The following ZNF827 variants were observed in gnomAD, a reference collection of about 807,000 sequenced individuals.
ZNF827 encodes the protein zinc finger protein 827.
Under a neutral mutation model 102.4 loss-of-function variants are expected in ZNF827, and 13 were observed. The ratio of observed to expected loss-of-function variants is 0.13; its 90% confidence interval spans 0.08 to 0.20. ZNF827 has a LOEUF of 0.20. ZNF827 is among the 10% of genes least tolerant of loss of function. The pLI is 1.00. For missense variants in ZNF827, 1,103 were observed against 1,344.4 expected (o/e 0.82, Z 2.81); for synonymous variants, 523 against 536.2 (o/e 0.98, Z 0.34).
At position 145,914,624 on chromosome 4, in the gene ZNF827, C is replaced by CA. The variant is rs779183833; in HGVS notation, c.44-11410dup. On this transcript the variant is annotated intron_variant, in intron 1 of 14. Coordinates refer to ENST00000508784, the MANE Select transcript of ZNF827 (RefSeq NM_001306215.2). ...ACACACAGAAGTCAACAATAGAGAG[C>CA]AAAAAAACAACAACAATTAACAAAA... is the stretch of plus-strand genomic sequence containing the variant. 2.3e-3 allele frequency among the ~76,000 whole-genome samples: 350 copies of CA among 152,092 alleles called. 6 individuals carry two copies. The highest frequency in any genetic ancestry group is 1.0e-3 in the Non-Finnish European group (69 of 67,958).
At chr4:145,894,397 CT>C (rs1750824168) in intron 2 of ZNF827, among the ~76,000 whole-genome samples, 1 of 152,082 alleles carries the variant, frequency 6.6e-6, no homozygotes, top group Admixed American at 6.6e-5. Context: ...TCCTTCTGTA[CT>C]ATTTGAATTT....
At chr4:145,934,053 GA>G (rs2127004269) in intron 1 of ZNF827, among the ~76,000 whole-genome samples, 1 of 152,196 alleles carries the variant, frequency 6.6e-6, no homozygotes, top group African/African-American at 2.4e-5. Flanking sequence ...TATAGTATTG[GA>G]CCTTGTTAAT....
intron 8 of ZNF827, among the ~76,000 whole-genome samples, chr4:145,794,991 C>G (rs1163604914): frequency 1.3e-5 from 2 of 152,196 alleles, no homozygotes; most frequent in Non-Finnish European, 2.9e-5. Context: ...CTAGCCAAGG[C>G]TGCTGAACCA....
intron 2 of ZNF827, 110 bp from the exon 3 acceptor site, chr4:145,892,525 T>G: frequency 8.3e-7 from 1 of 1,201,828 alleles, no homozygotes; most frequent in South Asian, 1.9e-5. Flanking sequence ...TGATTTGGGT[T>G]TTTTTCTTGA....
chr4:145,937,388 C>T (rs552303619), intron 1 of ZNF827, among the ~76,000 whole-genome samples: 2 of 152,132 alleles, frequency 1.3e-5, no homozygotes, highest in South Asian at 2.1e-4. Context: ...CGCCCGGCTC[C>T]GTCTGCTCCG....
rs1734579937 is a variant in ZNF827, at chr4:145,761,940, G to A, written c.*18-342C>T. 6.6e-6 allele frequency among the ~76,000 whole-genome samples: 1 copy of A among 151,438 alleles called. No homozygotes were observed. The highest frequency in any genetic ancestry group is 1.5e-5 in the Non-Finnish European group (1 of 67,876). On this transcript the variant is annotated intron_variant, in intron 14 of 14. Coordinates refer to ENST00000508784, the MANE Select transcript of ZNF827 (RefSeq NM_001306215.2). This position sits in a 1 kb window ranked among gnomAD's most constrained non-coding sequence, Gnocchi z 6.8. ...CCCTCCAGCCCCCGCCCGGCCCCTCGGAGCCCTCCCCACTCCCGACCAGAC... is the reference window on the plus strand; with the variant it reads ...CCCTCCAGCCCCCGCCCGGCCCCTCAGAGCCCTCCCCACTCCCGACCAGAC...
rs550160049 is a variant in ZNF827, at chr4:145,933,837, C to T, written c.43+4528G>A. Among the ~76,000 whole-genome samples, 229 of 152,100 alleles carry T rather than the reference C, an allele frequency of 1.5e-3. 1 individual carries two copies. Among genetic ancestry groups the T allele is most frequent in the South Asian group, 3.5e-3 (17 of 4,814 alleles). ...GAGAACACCCTTCCTCATCCTTTCC[C>T]TCTTCAGTTTGTGATTCCAAATGTA... On this transcript the variant is annotated intron_variant, in intron 1 of 14. Transcript: ENST00000508784.
At chr4:145,921,117 C>G (rs912932580) in intron 1 of ZNF827, among the ~76,000 whole-genome samples, 1 of 152,034 alleles carries the variant, frequency 6.6e-6, no homozygotes, top group African/African-American at 2.4e-5. Context: ...GTGTTGCAGG[C>G]TAAGTAGGAG....
intron 4 of ZNF827, among the ~76,000 whole-genome samples, chr4:145,874,357 T>A (rs1158843672): frequency 6.6e-6 from 1 of 152,164 alleles, no homozygotes; most frequent in Non-Finnish European, 1.5e-5. Context: ...TAATGACATA[T>A]CAGAAGAGCA....
intron 3 of ZNF827, among the ~76,000 whole-genome samples, chr4:145,887,503 A>G (rs1348656331): frequency 6.6e-6 from 1 of 152,254 alleles, no homozygotes; most frequent in East Asian, 1.9e-4. Flanking sequence ...AAAAAACAAC[A>G]GAAGAGATTC....
chr4:145,926,793 G>A (rs542454151), intron 1 of ZNF827, among the ~76,000 whole-genome samples: 7 of 152,048 alleles, frequency 4.6e-5, no homozygotes, highest in African/African-American at 1.7e-4. Flanking sequence ...GTACGCCCAA[G>A]TCATGTTTAA....
At chr4:145,793,438 G>A (rs749596694) in intron 8 of ZNF827, among the ~76,000 whole-genome samples, 36 of 147,366 alleles carry the variant, frequency 2.4e-4, no homozygotes, top group Non-Finnish European at 5.2e-4. Flanking sequence ...TCTGAGTCTC[G>A]AAACTGAAGA....
chr4:145,888,897 C>T lies in ZNF827; in HGVS notation c.1267-2739G>A, dbSNP rs540099474. On this transcript the variant is annotated intron_variant, in intron 3 of 14. Coordinates refer to ENST00000508784, the MANE Select transcript of ZNF827 (RefSeq NM_001306215.2). ...ACAGCGGGTGATAAAAACATTTGCA[C>T]GATATATTATGAAGGAAAGGTGGGC... is the stretch of plus-strand genomic sequence containing the variant. Among the ~76,000 whole-genome samples the T allele has an allele frequency of 1.2e-4, 19 of 152,122 alleles. No individual in the cohort carries two copies. In the South Asian group the frequency reaches 2.7e-3, roughly 22 times the overall value.
chr4:145,823,219 C>T (rs1274149812), intron 8 of ZNF827, among the ~76,000 whole-genome samples: 1 of 152,256 alleles, frequency 6.6e-6, no homozygotes, highest in East Asian at 1.9e-4. Context: ...GCTCTTAAAG[C>T]AAAGATGAAG....
chr4:145,923,569 C>T (rs932457084), intron 1 of ZNF827, among the ~76,000 whole-genome samples: 1 of 151,952 alleles, frequency 6.6e-6, no homozygotes, highest in African/African-American at 2.4e-5. Flanking sequence ...CACCACTGCA[C>T]TCCAGCCTGG....
At position 145,759,955 on chromosome 4, in the gene ZNF827, A is replaced by C. The variant is rs1223260868; in HGVS notation, c.*1661T>G. The stretch of plus-strand genomic sequence containing the variant: ...TGCACTGTGTGTGTGCACCGTACAC[A>C]TTTGTCTACGTGTGGGCACACACAC... On this transcript the variant is annotated 3_prime_UTR_variant, in exon 15 of 15. Coordinates refer to ENST00000508784, the MANE Select transcript of ZNF827 (RefSeq NM_001306215.2). The C allele has an allele frequency of 6.6e-6, 1 of 152,116 alleles. No homozygotes were observed. The highest frequency in any genetic ancestry group is 1.9e-4 in the East Asian group (1 of 5,194). 9.4% of individuals were successfully genotyped at this position (152,116 alleles called of 1,614,324 possible).
intron 8 of ZNF827, among the ~76,000 whole-genome samples, chr4:145,796,622 TC>T (rs1740407589): frequency 2.9e-5 from 2 of 69,822 alleles, no homozygotes; most frequent in Admixed American, 2.0e-4. Flanking sequence ...CATTTGTTCC[TC>T]TTTTTTTTTT....
At position 145,775,842 on chromosome 4, in the gene ZNF827, G is replaced by T; in HGVS notation, c.2640C>A (p.Val880=). 1.4e-5 allele frequency: 22 copies of T among 1,614,192 alleles called. No individual in the cohort carries two copies. Among genetic ancestry groups the T allele is most frequent in the Non-Finnish European group, 1.9e-5 (22 of 1,180,034 alleles). The change falls in exon 10 of 15, where the codon GTC becomes GTA. Residue 880 remains valine, a synonymous_variant. Coordinates refer to ENST00000508784, the MANE Select transcript of ZNF827 (RefSeq NM_001306215.2). ...KLVSTDTEDI[V]SAVTSEGSDG... is the part of the protein sequence containing the mutation. ...CACTGCCTTCAGAGGTGACGGCGCT[G>T]ACAATGTCCTCGGTGTCTGTACTCA... is the stretch of plus-strand genomic sequence containing the variant.
chr4:145,775,429 T>C (rs1014613321), intron 10 of ZNF827, among the ~76,000 whole-genome samples: 4 of 145,076 alleles, frequency 2.8e-5, no homozygotes, highest in African/African-American at 1.1e-4. Context: ...TTCCTCAGCT[T>C]TTTTTTTTTT....
Sources: gnomAD v4.1 joint callset for allele counts (sites outside exome capture counted in the v4.1 genomes callset) on GRCh38, gnomAD v4.1.1 for gene constraint, Gnocchi (gnomAD v3.1) non-coding constraint, MANE v1.5 for transcripts, NCBI Gene and HGNC (gene_info 2026-07-23, HGNC 2026-07-21) for gene names.